The following ARHGAP10 variants were observed in gnomAD, a reference collection of about 807,000 sequenced individuals.
ARHGAP10 encodes the protein rho GTPase-activating protein 10.
In ARHGAP10, 87 loss-of-function variants were observed where a neutral mutation model predicts 108.6. The observed-to-expected ratio is 0.80, with a 90% confidence interval of 0.67 to 0.96. The LOEUF (loss-of-function observed/expected upper bound fraction) is 0.96, where lower values mean the gene tolerates loss of function less well. Ranked by LOEUF, ARHGAP10 falls within the 40% of genes least tolerant of loss-of-function variation. The pLI is 0.00. For missense variants in ARHGAP10, 939 were observed against 954.5 expected, an observed-to-expected ratio of 0.98 and a Z score of 0.21; for synonymous variants, 347 against 341.1, an observed-to-expected ratio of 1.02 and a Z score of -0.19.
intron 1 of ARHGAP10, among the ~76,000 whole-genome samples, chr4:147,806,114 G>A (rs1731774518): frequency 6.6e-6 from 1 of 151,988 alleles, no homozygotes; most frequent in Admixed American, 6.6e-5. Flanking sequence ...CATACTGACG[G>A]AGCTGAGTGA....
At chr4:147,864,634 T>A in intron 5 of ARHGAP10, 2 of 473,670 alleles carry the variant, frequency 4.2e-6, no homozygotes, top group Non-Finnish European at 7.5e-6. Context: ...ACCATAAAGT[T>A]CCTGTTGCAC....
chr4:147,734,896 A>G (rs527932340), intron 1 of ARHGAP10, among the ~76,000 whole-genome samples: 3 of 152,144 alleles, frequency 2.0e-5, no homozygotes, highest in African/African-American at 7.2e-5. Flanking sequence ...ATATTTCCAG[A>G]TATTTTATAT....
chr4:147,892,960 TCTG>T (rs1382150105), intron 10 of ARHGAP10, among the ~76,000 whole-genome samples: 6 of 152,210 alleles, frequency 3.9e-5, no homozygotes, highest in African/African-American at 1.4e-4. Context: ...CAAAACATCA[TCTG>T]CTCCAAAATG....
At chr4:147,841,869 C>T (rs1733428024) in intron 3 of ARHGAP10, among the ~76,000 whole-genome samples, 1 of 152,124 alleles carries the variant, frequency 6.6e-6, no homozygotes, top group South Asian at 2.1e-4. Flanking sequence ...ACAACTACTA[C>T]TATCCTTGTT....
intron 9 of ARHGAP10, among the ~76,000 whole-genome samples, chr4:147,881,463 C>A (rs1007939408): frequency 6.6e-6 from 1 of 152,040 alleles, no homozygotes. Context: ...CATGGTGAAA[C>A]CCTGTTTCTA....
chr4:148,010,761 T>C (rs1200845893), intron 18 of ARHGAP10, among the ~76,000 whole-genome samples: 1 of 152,150 alleles, frequency 6.6e-6, no homozygotes, highest in Non-Finnish European at 1.5e-5. Flanking sequence ...AATTGAAGAC[T>C]ATTGGGCTGA....
intron 5 of ARHGAP10, among the ~76,000 whole-genome samples, chr4:147,859,349 T>C (rs1245320668): frequency 6.6e-6 from 1 of 151,434 alleles, no homozygotes; most frequent in Non-Finnish European, 1.5e-5. Flanking sequence ...CTTGGCTCAC[T>C]GCAACCTCCA....
rs1013133448 is a variant in ARHGAP10, at chr4:147,881,826, G to A, written c.940-12G>A. On this transcript the variant is annotated splice_polypyrimidine_tract_variant and intron_variant, in intron 9 of 22. Transcript: ENST00000336498. ...TGTAGGTTTTGAGAATGTTCAAAAT[G>A]ATTATTTGCAGGGGGACGGAGAGGT... is the stretch of plus-strand genomic sequence containing the variant. 1 of 1,613,012 alleles carries A rather than the reference G, an allele frequency of 6.2e-7. No individual in the cohort carries two copies. Among genetic ancestry groups the A allele is most frequent in the Non-Finnish European group, 8.5e-7 (1 of 1,179,310 alleles).
intron 10 of ARHGAP10, among the ~76,000 whole-genome samples, chr4:147,905,134 T>C (rs1053885602): frequency 5.4e-4 from 83 of 152,314 alleles, no homozygotes; most frequent in African/African-American, 1.1e-3. Flanking sequence ...GGATATTAGC[T>C]CTTTGTCAGA....
chr4:147,972,212 GAA>G (rs1231926797), intron 18 of ARHGAP10, among the ~76,000 whole-genome samples: 4 of 152,142 alleles, frequency 2.6e-5, no homozygotes, highest in African/African-American at 9.7e-5. Context: ...ATTGGCGTAA[GAA>G]AATATTTATT....
intron 18 of ARHGAP10, among the ~76,000 whole-genome samples, chr4:147,973,337 G>C (rs906105573): frequency 2.6e-5 from 4 of 152,090 alleles, no homozygotes; most frequent in African/African-American, 9.7e-5. Context: ...CTTAAACAGG[G>C]AATGAACCCT....
chr4:147,995,749 C>T (rs1740448271), intron 18 of ARHGAP10, among the ~76,000 whole-genome samples: 1 of 151,992 alleles, frequency 6.6e-6, no homozygotes, highest in Non-Finnish European at 1.5e-5. Flanking sequence ...CGGAGTCTTG[C>T]TCTGTCACCC....
intron 10 of ARHGAP10, among the ~76,000 whole-genome samples, chr4:147,895,385 C>T (rs373159542): frequency 6.6e-6 from 1 of 151,688 alleles, no homozygotes; most frequent in African/African-American, 2.4e-5. Context: ...CAAAAACAGC[C>T]TTAGGGCCAG....
chr4:147,785,166 C>T (rs1730837519), intron 1 of ARHGAP10, among the ~76,000 whole-genome samples: 1 of 148,000 alleles, frequency 6.8e-6, no homozygotes, highest in Admixed American at 6.9e-5. Flanking sequence ...TTCATTAGTA[C>T]TTAACATTGA....
intron 15 of ARHGAP10, among the ~76,000 whole-genome samples, chr4:147,947,628 C>G (rs1205132467): frequency 6.6e-6 from 1 of 151,856 alleles, no homozygotes; most frequent in Non-Finnish European, 1.5e-5. Context: ...GTCTCAAACT[C>G]CTGACCTCAA....
At chr4:148,066,184 G>C (rs1016778645) in intron 22 of ARHGAP10, among the ~76,000 whole-genome samples, 1 of 152,142 alleles carries the variant, frequency 6.6e-6, no homozygotes, top group Non-Finnish European at 1.5e-5. Context: ...ACAGTTCCAT[G>C]TATCATGGCC....
chr4:148,012,710 A>G (rs1290523571), intron 18 of ARHGAP10, among the ~76,000 whole-genome samples: 1 of 152,220 alleles, frequency 6.6e-6, no homozygotes, highest in Admixed American at 6.5e-5. Flanking sequence ...TTACTGTTGC[A>G]TCAACCCATA....
chr4:148,071,930 G>A, intron 22 of ARHGAP10, 63 bp from the exon 23 acceptor site: 2 of 1,439,096 alleles, frequency 1.4e-6, no homozygotes, highest in Non-Finnish European at 1.9e-6. Context: ...GCTTTTAAGT[G>A]AACACCCAGG....
intron 1 of ARHGAP10, among the ~76,000 whole-genome samples, chr4:147,806,349 C>G (rs931824129): frequency 6.6e-6 from 1 of 151,736 alleles, no homozygotes; most frequent in Non-Finnish European, 1.5e-5. Flanking sequence ...TGTTTCAATA[C>G]CAGATTATAG....
Sources: allele counts gnomAD v4.1 joint callset (sites outside exome capture counted in the v4.1 genomes callset), GRCh38; gene constraint gnomAD v4.1.1; transcripts MANE v1.5; gene names NCBI Gene and HGNC (gene_info 2026-07-23, HGNC 2026-07-21).